MCFD2: variants seen among roughly 807,000 people sequenced by gnomAD.
MCFD2 encodes the protein multiple coagulation factor deficiency protein 2.
A neutral mutation model predicts 12.8 loss-of-function variants in MCFD2; 11 were observed. That is an observed-to-expected ratio of 0.86 (90% confidence interval 0.54 to 1.42). The LOEUF (loss-of-function observed/expected upper bound fraction) is 1.42. Among genes scored for constraint, MCFD2 ranks in the 40% most tolerant of loss-of-function variants. The pLI, the probability that MCFD2 is intolerant of heterozygous loss-of-function variation, is 0.00. For synonymous variants in MCFD2, 70 were observed against 68.1 expected (o/e 1.03, Z -0.14); for missense variants, 191 against 178.6 (o/e 1.07, Z -0.40).
chr2:46,922,770 C>T (rs1430437034), intron 1 of MCFD2, among the ~76,000 whole-genome samples: 2 of 152,104 alleles, frequency 1.3e-5, no homozygotes, highest in Non-Finnish European at 2.9e-5. Context: ...GGAGGAAGCA[C>T]ATCAATTCTG....
intron 1 of MCFD2, among the ~76,000 whole-genome samples, chr2:46,921,301 A>G (rs1669090219): frequency 2.0e-5 from 3 of 152,214 alleles, no homozygotes; most frequent in African/African-American, 4.8e-5. Context: ...TACTAGAGCT[A>G]TTGATTTAGC....
At position 46,937,679 on chromosome 2, in the gene MCFD2, T is replaced by C. The variant is rs1254539504; in HGVS notation, c.-8+3893A>G. On this transcript the variant is annotated intron_variant, in intron 1 of 2. Transcript: ENST00000409147. This position sits in a 1 kb window ranked among gnomAD's most constrained non-coding sequence, Gnocchi z 4.0. Reference sequence around the variant, plus strand: ...TCTTGAATTCCTGGACTCAAGTGATTCTCCCACCTCCTTCTCCCAAAGTGT... The same window carrying C: ...TCTTGAATTCCTGGACTCAAGTGATCCTCCCACCTCCTTCTCCCAAAGTGT... Among the ~76,000 whole-genome samples the C allele has an allele frequency of 6.6e-6, 1 of 152,140 alleles. No individual in the cohort carries two copies. Among genetic ancestry groups the C allele is most frequent in the East Asian group, 1.9e-4 (1 of 5,200 alleles).
At chr2:46,916,076 G>T, upstream of MCFD2, 1 of 985,522 alleles carries the variant, frequency 1.0e-6, no homozygotes, top group Non-Finnish European at 1.2e-6. Flanking sequence ...AAGCCCTCAG[G>T]AACGTAGTTC....
intron 1 of MCFD2, among the ~76,000 whole-genome samples, chr2:46,922,637 A>G (rs1056550573): frequency 2.0e-5 from 3 of 152,040 alleles, no homozygotes; most frequent in Non-Finnish European, 4.4e-5. Context: ...ATGTACTTCA[A>G]TCCCTGAAGG....
Position 46,939,711 on chromosome 2 carries a change from G to A in MCFD2, c.-8+1861C>T, listed in dbSNP as rs566905823. 1.1e-4 allele frequency among the ~76,000 whole-genome samples: 17 copies of A among 152,332 alleles called. No individual in the cohort carries two copies. In the South Asian group the frequency reaches 2.9e-3, roughly 26 times the overall value. ...GGGCTGACTCCCAGGAATGCCAGGC[G>A]TGGGGCAAATCACAGTGTGTTCTCG... is the stretch of plus-strand genomic sequence containing the variant. On this transcript the variant is annotated intron_variant, in intron 1 of 2. Transcript: ENST00000409147.
chr2:46,919,353 G>A (rs1668981002), upstream of MCFD2, among the ~76,000 whole-genome samples: 1 of 152,140 alleles, frequency 6.6e-6, no homozygotes, highest in Admixed American at 6.5e-5. Context: ...GGCCAGCATG[G>A]TGAAACCCTG....
At chr2:46,919,844 G>A (rs1669006120), upstream of MCFD2, among the ~76,000 whole-genome samples, 1 of 152,242 alleles carries the variant, frequency 6.6e-6, no homozygotes, top group Non-Finnish European at 1.5e-5. Context: ...TAGAGAAAAG[G>A]TCTTGCTCTA....
In MCFD2 at chr2:46,937,829, G is replaced by A. The variant is rs10202814; in HGVS notation, c.-8+3743C>T. 0.18 allele frequency among the ~76,000 whole-genome samples: 27,445 copies of A among 152,142 alleles called. 2,572 individuals carry two copies. The highest frequency in any genetic ancestry group is 0.2 in the Non-Finnish European group (13,857 of 67,980). On this transcript the variant is annotated intron_variant, in intron 1 of 2. Coordinates refer to the MCFD2 transcript ENST00000409147. The surrounding 1 kb of genome is among the most constrained non-coding windows in gnomAD (Gnocchi z 4.0). ...TAGTCAAGGTCTTTTGGAGGCTATC[G>A]GCAGTCTTCCCTGTGAAAGCAAAAT...
At chr2:46,905,694 T>TAAA in intron 3 of MCFD2, 100 bp from the exon 4 acceptor site, 4 of 637,590 alleles carry the variant, frequency 6.3e-6, no homozygotes, top group East Asian at 3.3e-5. Flanking sequence ...GCACTGTTTA[T>TAAA]TAAAAAAAAA....
chr2:46,941,711 C>T lies in MCFD2; in HGVS notation c.-147G>A, dbSNP rs771698385. On this transcript the variant is annotated 5_prime_UTR_variant, in exon 1 of 3. Transcript: ENST00000409147. The surrounding 1 kb of genome is among the most constrained non-coding windows in gnomAD (Gnocchi z 4.2). Reference sequence around the variant, plus strand: ...CGAGGCAGCCCGAGCGCAGCGTTCACCTTTCCGGACACCGGTGAGTAAGGG... The same window carrying T: ...CGAGGCAGCCCGAGCGCAGCGTTCATCTTTCCGGACACCGGTGAGTAAGGG... 1 of 1,550,422 alleles carries T rather than the reference C, an allele frequency of 6.4e-7. No homozygotes were observed. Among genetic ancestry groups the T allele is most frequent in the Non-Finnish European group, 8.7e-7 (1 of 1,147,192 alleles).
At chr2:46,936,788 A>G (rs1189853674) in intron 1 of MCFD2, among the ~76,000 whole-genome samples, 2 of 152,190 alleles carry the variant, frequency 1.3e-5, no homozygotes, top group East Asian at 3.8e-4. Context: ...AGTGAACACA[A>G]TTCCAAACAT....
chr2:46,913,155 C>T (rs914280823), intron 1 of MCFD2, among the ~76,000 whole-genome samples: 2 of 152,144 alleles, frequency 1.3e-5, no homozygotes, highest in Admixed American at 6.5e-5. Context: ...GAACTTGTCT[C>T]ATTTTGGTTT....
rs1356104795 is a variant in MCFD2 at position 46,903,717 on chromosome 2, A to G, written c.*1746T>C. ...GAGATGATTTAGGTTAACTAGCGGA[A>G]GAAATTTCTAAGCAGCAAAGTGTTC... is the stretch of plus-strand genomic sequence containing the variant. On this transcript the variant is annotated 3_prime_UTR_variant, in exon 4 of 4. Transcript: ENST00000319466. 6.6e-6 allele frequency: 1 copy of G among 152,226 alleles called. No homozygotes were observed. Among genetic ancestry groups the G allele is most frequent in the Non-Finnish European group, 1.5e-5 (1 of 68,048 alleles). 9.4% of individuals were successfully genotyped at this position (152,226 alleles called of 1,614,324 possible).
rs997844606 is a variant in MCFD2, at chr2:46,941,364, GTGCTGCTGCTGC to G, written c.-8+196_-8+207del. 1 of 381,138 alleles carries G rather than the reference GTGCTGCTGCTGC, an allele frequency of 2.6e-6. No individual in the cohort carries two copies. The highest frequency in any genetic ancestry group is 2.2e-5 in the African/African-American group (1 of 46,398). 23.6% of individuals were successfully genotyped at this position (381,138 alleles called of 1,614,324 possible). Reference sequence around the variant, plus strand: ...CCGGGCGGTGCGCTGGGAGCTGCTGGTGCTGCTGCTGCTGCTGCTGCCCACCCTCCGCCGCCC... The same window carrying G: ...CCGGGCGGTGCGCTGGGAGCTGCTGGTGCTGCTGCCCACCCTCCGCCGCCC... On this transcript the variant is annotated intron_variant, in intron 1 of 2. Transcript: ENST00000409147. This position sits in a 1 kb window ranked among gnomAD's most constrained non-coding sequence, Gnocchi z 4.2.
chr2:46,931,032 CATTTT>C (rs1432674252), intron 1 of MCFD2, among the ~76,000 whole-genome samples: 1 of 152,126 alleles, frequency 6.6e-6, no homozygotes, highest in Non-Finnish European at 1.5e-5. Context: ...CTAAACAAAA[CATTTT>C]ATTAGCAATT....
At position 46,903,853 on chromosome 2, in the gene MCFD2, T is replaced by A. The variant is rs1668107899; in HGVS notation, c.*1610A>T. 6.6e-6 allele frequency: 1 copy of A among 152,194 alleles called. No individual in the cohort carries two copies. The highest frequency in any genetic ancestry group is 1.5e-5 in the Non-Finnish European group (1 of 68,014). The allele number at this position is 152,194 out of a possible 1,614,324, so 9.4% of individuals were successfully genotyped here. On this transcript the variant is annotated 3_prime_UTR_variant, in exon 4 of 4. Transcript: ENST00000319466. Reference sequence around the variant, plus strand: ...ATGCAATAGAAAAGAAAAACCCATTTTCTGGGGAGAAATTCAAGCCAGCTG... The same window carrying A: ...ATGCAATAGAAAAGAAAAACCCATTATCTGGGGAGAAATTCAAGCCAGCTG...
chr2:46,931,361 C>T (rs1188693657), intron 1 of MCFD2, among the ~76,000 whole-genome samples: 3 of 152,378 alleles, frequency 2.0e-5, no homozygotes, highest in Non-Finnish European at 2.9e-5. Flanking sequence ...GCTGGGCTTA[C>T]AGCCATAAGC....
Position 46,941,724 on chromosome 2 carries a change from C to G in MCFD2, c.-160G>C. The G allele has an allele frequency of 1.3e-6, 2 of 1,549,826 alleles. No homozygotes were observed. The highest frequency in any genetic ancestry group is 1.7e-6 in the Non-Finnish European group (2 of 1,146,920). On this transcript the variant is annotated 5_prime_UTR_variant, in exon 1 of 3. Transcript: ENST00000409147. This position sits in a 1 kb window ranked among gnomAD's most constrained non-coding sequence, Gnocchi z 4.2. Reference sequence around the variant, plus strand: ...GCGCAGCGTTCACCTTTCCGGACACCGGTGAGTAAGGGAAGAGGCTGGCTC... The same window carrying G: ...GCGCAGCGTTCACCTTTCCGGACACGGGTGAGTAAGGGAAGAGGCTGGCTC...
intron 1 of MCFD2, among the ~76,000 whole-genome samples, chr2:46,933,384 A>T (rs1295868636): frequency 6.6e-6 from 1 of 152,234 alleles, no homozygotes; most frequent in Non-Finnish European, 1.5e-5. Flanking sequence ...AATTAATATA[A>T]CAAATAATTA....
Sources: allele counts gnomAD v4.1 joint callset (sites outside exome capture counted in the v4.1 genomes callset), GRCh38; gene constraint gnomAD v4.1.1; non-coding constraint Gnocchi (gnomAD v3.1); transcripts MANE v1.5; gene names NCBI Gene and HGNC (gene_info 2026-07-23, HGNC 2026-07-21).